The following PCSK5 variants were observed in gnomAD, a reference collection of about 807,000 sequenced individuals.
PCSK5 encodes the protein proprotein convertase subtilisin/kexin type 5, also known as prohormone convertase 5.
A neutral mutation model predicts 233.2 loss-of-function variants in PCSK5; 129 were observed. The observed-to-expected ratio is 0.55, with a 90% CI of 0.48 to 0.64. PCSK5 has a LOEUF of 0.64. Among genes scored for constraint, PCSK5 ranks in the 30% least tolerant of loss-of-function variants. PCSK5 has a pLI of 0.00. For missense variants in PCSK5, 2,076 were observed against 2,430.1 expected, an observed-to-expected ratio of 0.85 and a Z score of 3.06; for synonymous variants, 825 against 879.2, an observed-to-expected ratio of 0.94 and a Z score of 1.09.
rs547742194 is a variant in PCSK5, at chr9:76,085,113, G to A, written c.895-10777G>A. ...CACTTTCTGCCATCGTGCTCTGTGC[G>A]ATAGCAGCTCCTGTCGAGTGGGTCA... On this transcript the variant is annotated intron_variant, in intron 7 of 37. Coordinates refer to ENST00000674117, the MANE Select transcript of PCSK5 (RefSeq NM_001372043.1). 6.6e-5 allele frequency among the ~76,000 whole-genome samples: 10 copies of A among 152,314 alleles called. No individual in the cohort carries two copies. In the South Asian group the frequency reaches 8.3e-4, roughly 13 times the overall value.
At chr9:76,319,435 T>C (rs1048662177) in intron 30 of PCSK5, among the ~76,000 whole-genome samples, 4 of 147,452 alleles carry the variant, frequency 2.7e-5, no homozygotes, top group African/African-American at 1.0e-4. Flanking sequence ...TTAATATTAC[T>C]CTTTGTTGCA....
chr9:76,093,166 C>T (rs997873356), intron 7 of PCSK5, among the ~76,000 whole-genome samples: 1 of 146,608 alleles, frequency 6.8e-6, no homozygotes, highest in Non-Finnish European at 1.5e-5. Context: ...GCAGTCGTAG[C>T]GCGCTGCAGC....
At chr9:75,945,309 TG>T (rs1587400014) in intron 2 of PCSK5, among the ~76,000 whole-genome samples, 1 of 152,068 alleles carries the variant, frequency 6.6e-6, no homozygotes, top group Non-Finnish European at 1.5e-5. Context: ...TATCCATTTT[TG>T]CTGAAGCCAA....
intron 1 of PCSK5, among the ~76,000 whole-genome samples, chr9:75,895,799 G>A (rs914661075): frequency 2.6e-5 from 4 of 152,218 alleles, no homozygotes; most frequent in Non-Finnish European, 5.9e-5. Context: ...TAGGTAGGAA[G>A]AGATACATTC....
rs1011987378 is a variant in PCSK5, at chr9:75,976,665, C to T, written c.298-9467C>T. ...TGCTTATGGGTATTATTACTAGCAG[C>T]CAAGATGGGTAGTCTTAAATTTAAA... On this transcript the variant is annotated intron_variant, in intron 2 of 37. Transcript: ENST00000674117. 2.0e-5 allele frequency among the ~76,000 whole-genome samples: 3 copies of T among 151,164 alleles called. No individual in the cohort carries two copies. The South Asian group carries it at 6.3e-4, about 32-fold the overall frequency.
chr9:76,307,251 T>C (rs1828731222), intron 28 of PCSK5, among the ~76,000 whole-genome samples: 1 of 152,084 alleles, frequency 6.6e-6, no homozygotes, highest in Non-Finnish European at 1.5e-5. Flanking sequence ...GAGCGCCATC[T>C]ATACCCGGCT....
intron 9 of PCSK5, among the ~76,000 whole-genome samples, chr9:76,107,634 T>A (rs751034423): frequency 5.3e-5 from 8 of 152,202 alleles, no homozygotes; most frequent in Non-Finnish European, 1.2e-4. Context: ...TCTTGCCTTG[T>A]TGAGGTTTTT....
At chr9:76,097,637 A>G (rs1049634877) in intron 8 of PCSK5, among the ~76,000 whole-genome samples, 1 of 152,212 alleles carries the variant, frequency 6.6e-6, no homozygotes, top group African/African-American at 2.4e-5. Context: ...GTAGTTGAGT[A>G]ATTTTGGACA....
At chr9:75,960,814 T>G (rs1254439812) in intron 2 of PCSK5, among the ~76,000 whole-genome samples, 1 of 152,092 alleles carries the variant, frequency 6.6e-6, no homozygotes, top group African/African-American at 2.4e-5. Flanking sequence ...CTTCCAGAAT[T>G]TGAGAGTGAA....
At chr9:75,910,282 G>T (rs1822667673) in intron 1 of PCSK5, among the ~76,000 whole-genome samples, 1 of 152,194 alleles carries the variant, frequency 6.6e-6, no homozygotes, top group Admixed American at 6.5e-5. Flanking sequence ...GTAATAGGAA[G>T]ACCCTAGTGA....
intron 5 of PCSK5, among the ~76,000 whole-genome samples, chr9:76,043,160 C>G (rs930994253): frequency 1.4e-5 from 2 of 142,232 alleles, no homozygotes; most frequent in Middle Eastern, 7.6e-3. Context: ...TCCTGGCTAA[C>G]ACGGTGAAAC....
At chr9:75,971,010 C>T (rs947903899) in intron 2 of PCSK5, among the ~76,000 whole-genome samples, 1 of 152,218 alleles carries the variant, frequency 6.6e-6, no homozygotes, top group East Asian at 1.9e-4. Flanking sequence ...TGGTTTGCTG[C>T]ACCTATCAAC....
In PCSK5 at chr9:76,311,235, T is replaced by C. The variant is rs141492272; in HGVS notation, c.3884+384T>C. 1.3e-3 allele frequency among the ~76,000 whole-genome samples: 198 copies of C among 152,114 alleles called. 1 individual carries two copies. Among genetic ancestry groups the C allele is most frequent in the African/African-American group, 4.7e-3 (194 of 41,496 alleles). ...TTTAAAAATTAGCCAGTGGGTGCTG[T>C]AGTCCCAGCTACTTGGGAGGCTAAG... is the stretch of plus-strand genomic sequence containing the variant. On this transcript the variant is annotated intron_variant, in intron 30 of 37. Coordinates refer to ENST00000674117, the MANE Select transcript of PCSK5 (RefSeq NM_001372043.1).
chr9:75,903,425 T>A (rs1167268336), intron 1 of PCSK5, among the ~76,000 whole-genome samples: 1 of 151,506 alleles, frequency 6.6e-6, no homozygotes, highest in Non-Finnish European at 1.5e-5. Flanking sequence ...AAATTACATT[T>A]TGGATACCAT....
chr9:76,261,329 A>C (rs1260074429), intron 24 of PCSK5, among the ~76,000 whole-genome samples: 1 of 152,244 alleles, frequency 6.6e-6, no homozygotes, highest in African/African-American at 2.4e-5. Flanking sequence ...AAGAAGTCAA[A>C]GTATCTCTCC....
intron 1 of PCSK5, among the ~76,000 whole-genome samples, chr9:75,900,469 A>T (rs1825977590): frequency 6.6e-6 from 1 of 151,998 alleles, no homozygotes; most frequent in Admixed American, 6.6e-5. Context: ...TCTTGAGGCC[A>T]GGAGATCAAG....
At chr9:76,188,426 G>T in intron 17 of PCSK5, 152 bp from the exon 18 acceptor site, 1 of 573,326 alleles carries the variant, frequency 1.7e-6, no homozygotes, top group Non-Finnish European at 3.1e-6. Flanking sequence ...AGAAAAAAAA[G>T]GGTACACGGG....
intron 5 of PCSK5, among the ~76,000 whole-genome samples, chr9:76,033,930 A>G (rs1000346131): frequency 2.0e-5 from 3 of 152,178 alleles, no homozygotes; most frequent in Non-Finnish European, 4.4e-5. Flanking sequence ...TGACACATGA[A>G]TTTTGGAGGG....
At chr9:76,175,404 C>G (rs1023143990) in intron 14 of PCSK5, 118 of 456,556 alleles carry the variant, frequency 2.6e-4, no homozygotes, top group Non-Finnish European at 5.8e-5. Flanking sequence ...TATATCAGTG[C>G]ACTCATATAT....
Sources: allele counts gnomAD v4.1 joint callset (sites outside exome capture counted in the v4.1 genomes callset), GRCh38; gene constraint gnomAD v4.1.1; transcripts MANE v1.5; gene names NCBI Gene and HGNC (gene_info 2026-07-23, HGNC 2026-07-21).